The following GPALPP1 variants were observed in gnomAD, a reference collection of about 807,000 sequenced individuals.
The protein encoded by GPALPP1 is GPALPP motifs-containing protein 1.
A neutral mutation model predicts 38.9 loss-of-function variants in GPALPP1; 30 were observed. That is an observed-to-expected ratio of 0.77 (90% CI 0.58 to 1.05). GPALPP1 has a LOEUF of 1.05. GPALPP1 is among the 50% of genes least tolerant of loss of function. The pLI, the probability that GPALPP1 is intolerant of heterozygous loss-of-function variation, is 0.00. For missense variants in GPALPP1, 384 were observed against 408.8 expected, an observed-to-expected ratio of 0.94 and a Z score of 0.52; for synonymous variants, 120 against 139.2, an observed-to-expected ratio of 0.86 and a Z score of 0.97.
intron 6 of GPALPP1, among the ~76,000 whole-genome samples, chr13:45,016,763 C>T (rs1874903361): frequency 6.6e-6 from 1 of 152,160 alleles, no homozygotes; most frequent in Non-Finnish European, 1.5e-5. Flanking sequence ...GATCCTCCTG[C>T]CTCAGCCTCC....
intron 7 of GPALPP1, among the ~76,000 whole-genome samples, chr13:45,021,939 A>G (rs1026074201): frequency 2.6e-5 from 4 of 152,214 alleles, no homozygotes; most frequent in East Asian, 1.9e-4. Context: ...ACCTAAGACA[A>G]ATGAAAACAT....
downstream of GPALPP1, among the ~76,000 whole-genome samples, chr13:45,032,671 G>T (rs1876258112): frequency 6.6e-6 from 1 of 151,232 alleles, no homozygotes; most frequent in Non-Finnish European, 1.5e-5. Flanking sequence ...CTCCCAAAGT[G>T]CTGGGATTAC....
chr13:45,018,988 T>C (rs1194619810), intron 6 of GPALPP1, among the ~76,000 whole-genome samples: 2 of 10,640 alleles, frequency 1.9e-4, no homozygotes, highest in Non-Finnish European at 7.5e-4. Flanking sequence ...TATATATACA[T>C]ATAAATATAT....
At chr13:44,995,577 G>A (rs1873210387) in intron 1 of GPALPP1, among the ~76,000 whole-genome samples, 1 of 152,090 alleles carries the variant, frequency 6.6e-6, no homozygotes, top group Admixed American at 6.6e-5. Flanking sequence ...CCAAGTTCAG[G>A]AGCAAAGACT....
chr13:45,006,922 T>C (rs1399885839), intron 3 of GPALPP1, among the ~76,000 whole-genome samples: 1 of 152,036 alleles, frequency 6.6e-6, no homozygotes, highest in Non-Finnish European at 1.5e-5. Flanking sequence ...AATTTTTAAA[T>C]GCCAAATATA....
chr13:44,999,876 C>A (rs538903192), intron 1 of GPALPP1, among the ~76,000 whole-genome samples: 1 of 152,204 alleles, frequency 6.6e-6, no homozygotes, highest in East Asian at 1.9e-4. Context: ...CTGCGCCTGG[C>A]CCCTTTTTTC....
intron 2 of GPALPP1, 26 bp from the exon 3 acceptor site, chr13:45,006,176 A>G (rs771926430): frequency 7.1e-7 from 1 of 1,398,672 alleles, no homozygotes; most frequent in Admixed American, 2.1e-5. Context: ...ACATATATGC[A>G]TAAAGTTATA....
chr13:45,026,530 G>A (rs1458405526), intron 7 of GPALPP1, among the ~76,000 whole-genome samples: 1 of 152,066 alleles, frequency 6.6e-6, no homozygotes, highest in East Asian at 1.9e-4. Context: ...ATAAGATACT[G>A]TCACTTTCAG....
chr13:44,993,812 TC>T (rs1256466388), intron 1 of GPALPP1, among the ~76,000 whole-genome samples: 1 of 62,554 alleles, frequency 1.6e-5, no homozygotes, highest in African/African-American at 3.7e-5. Flanking sequence ...TTTCTGTTTG[TC>T]TTTTTTTTTT....
intron 3 of GPALPP1, 81 bp from the exon 4 acceptor site, chr13:45,008,714 T>C (rs1874269145): frequency 4.2e-6 from 3 of 719,864 alleles, no homozygotes; most frequent in Admixed American, 2.5e-5. Flanking sequence ...ACTATTTGGC[T>C]TTATTATTTT....
intron 6 of GPALPP1, among the ~76,000 whole-genome samples, chr13:45,016,333 A>G (rs1874866043): frequency 6.6e-6 from 1 of 152,088 alleles, no homozygotes; most frequent in South Asian, 2.1e-4. Flanking sequence ...ATGTGCCTAT[A>G]ATCCCAGCTA....
exon 8 of GPALPP1, chr13:45,037,080 A>G (rs193075808): frequency 1.3e-5 from 2 of 152,374 alleles, no homozygotes; most frequent in Admixed American, 6.5e-5. Context: ...AGAATATTGA[A>G]AAGTATTTCA....
Position 45,029,722 on chromosome 13 carries a change from G to A in GPALPP1, c.*1719G>A, listed in dbSNP as rs1250758449. On this transcript the variant is annotated 3_prime_UTR_variant, in exon 8 of 8. Coordinates refer to ENST00000379151, the MANE Select transcript of GPALPP1 (RefSeq NM_018559.5). The stretch of plus-strand genomic sequence containing the variant: ...AATACAAATTTACTTGAAAATAGAG[G>A]GTATGGGGTTTTGCCTGTTTTGTAA... 1 of 152,064 alleles carries A rather than the reference G, an allele frequency of 6.6e-6. No homozygotes were observed. Among genetic ancestry groups the A allele is most frequent in the East Asian group, 1.9e-4 (1 of 5,208 alleles). 9.4% of individuals were successfully genotyped at this position (152,064 alleles called of 1,614,324 possible). A position where few individuals can be genotyped will look rare whatever the true frequency, so the allele number is the denominator to read the frequency against.
Position 45,029,440 on chromosome 13 carries a change from T to A in GPALPP1, c.*1437T>A, listed in dbSNP as rs1876075625. ...TAGAACAGAATATTCTATGTGCCTTTAGCTTCTGTGGAAGTATGGGGAATT... is the reference window on the plus strand; with the variant it reads ...TAGAACAGAATATTCTATGTGCCTTAAGCTTCTGTGGAAGTATGGGGAATT... On this transcript the variant is annotated 3_prime_UTR_variant, in exon 8 of 8. Coordinates refer to ENST00000379151, the MANE Select transcript of GPALPP1 (RefSeq NM_018559.5). 1.3e-5 allele frequency: 2 copies of A among 152,242 alleles called. No individual in the cohort carries two copies. The highest frequency in any genetic ancestry group is 4.1e-4 in the South Asian group (2 of 4,836). 9.4% of individuals were successfully genotyped at this position (152,242 alleles called of 1,614,324 possible). A position where few individuals can be genotyped will look rare whatever the true frequency, so the allele number is the denominator to read the frequency against.
intron 1 of GPALPP1, among the ~76,000 whole-genome samples, chr13:44,999,206 T>G (rs1873496802): frequency 6.6e-6 from 1 of 152,184 alleles, no homozygotes; most frequent in Non-Finnish European, 1.5e-5. Context: ...CAGAATCAGT[T>G]GTGGATGTTC....
intron 1 of GPALPP1, among the ~76,000 whole-genome samples, chr13:45,001,230 C>T (rs1409818460): frequency 1.3e-5 from 2 of 152,178 alleles, no homozygotes. Context: ...TTCCTCCTGC[C>T]ATGTGAAGAA....
intron 2 of GPALPP1, among the ~76,000 whole-genome samples, chr13:45,005,507 T>A (rs974441920): frequency 6.6e-6 from 1 of 152,130 alleles, no homozygotes; most frequent in African/African-American, 2.4e-5. Context: ...ATTTTAAATA[T>A]TATCAGGTGG....
At chr13:45,034,140 T>C (rs368488874), downstream of GPALPP1, 17 of 152,372 alleles carry the variant, frequency 1.1e-4, no homozygotes, top group African/African-American at 3.8e-4. Context: ...TTTGTTCATT[T>C]ATTCAATAAA....
downstream of GPALPP1, chr13:45,033,113 G>T (rs1457280302): frequency 1.3e-5 from 2 of 151,498 alleles, no homozygotes; most frequent in East Asian, 3.9e-4. Context: ...AATGGTTATT[G>T]TATAAGTAAT....
Sources: allele counts gnomAD v4.1 joint callset (sites outside exome capture counted in the v4.1 genomes callset), GRCh38; gene constraint gnomAD v4.1.1; transcripts MANE v1.5; gene names NCBI Gene and HGNC (gene_info 2026-07-23, HGNC 2026-07-21).